Variants in CFAP92 observed in about 807,000 individuals in gnomAD.
The protein encoded by CFAP92 is cilia and flagella associated protein 92 (putative).
In CFAP92, 86 loss-of-function variants were observed where a neutral mutation model predicts 106.3. The observed-to-expected ratio is 0.81, with a 90% CI of 0.68 to 0.97. The LOEUF is 0.97. CFAP92 is among the 50% of genes least tolerant of loss of function. The probability of loss-of-function intolerance (pLI) is 0.00; values close to 1 mark genes in which losing one functional copy is unlikely to be tolerated. For synonymous variants in CFAP92, 477 were observed against 506.4 expected (o/e 0.94, Z 0.78); for missense variants, 1,204 against 1,283.8 (o/e 0.94, Z 0.95).
In CFAP92 at chr3:128,952,605, C is replaced by T. The variant is rs1940921292; in HGVS notation, c.1354-6630G>A. Among the ~76,000 whole-genome samples, 9 of 152,212 alleles carry T rather than the reference C, an allele frequency of 5.9e-5. No individual in the cohort carries two copies. The South Asian group carries it at 1.9e-3, about 32-fold the overall frequency. On this transcript the variant is annotated intron_variant, in intron 9 of 15. Coordinates refer to ENST00000645291, the MANE Select transcript of CFAP92 (RefSeq NM_001394090.1). ...GAAACAAATGAAAAAATTAGTTGCT[C>T]AGCAAAGAAACAGGAGATATAAAGA...
At chr3:128,933,933 C>CTAG (rs76286277) in intron 11 of CFAP92, among the ~76,000 whole-genome samples, 4,363 of 152,278 alleles carry the variant, frequency 0.029, 109 homozygotes, top group South Asian at 0.11. Context: ...CCAGCAAGCA[C>CTAG]TAGCTAGGGC....
chr3:128,972,252 T>C (rs1576583344), intron 7 of CFAP92, among the ~76,000 whole-genome samples: 1 of 152,084 alleles, frequency 6.6e-6, no homozygotes, highest in African/African-American at 2.4e-5. Context: ...TCTTTCTTTT[T>C]TTTTTTTGAG....
At chr3:128,979,724 A>C (rs1943393693) in intron 4 of CFAP92, among the ~76,000 whole-genome samples, 1 of 149,136 alleles carries the variant, frequency 6.7e-6, no homozygotes, top group African/African-American at 2.5e-5. Flanking sequence ...GCATGTTCTC[A>C]CTCATAGGTG....
intron 15 of CFAP92, among the ~76,000 whole-genome samples, chr3:128,914,214 A>G (rs1936626317): frequency 6.6e-6 from 1 of 152,192 alleles, no homozygotes; most frequent in Non-Finnish European, 1.5e-5. Flanking sequence ...CTTACCAAGG[A>G]AAAGCCTTGT....
intron 10 of CFAP92, among the ~76,000 whole-genome samples, chr3:128,941,433 A>G (rs1442007948): frequency 6.6e-6 from 1 of 152,164 alleles, no homozygotes; most frequent in Admixed American, 6.6e-5. Flanking sequence ...TTAAGGTTAT[A>G]CATTTTCTTC....
upstream of CFAP92, among the ~76,000 whole-genome samples, chr3:129,006,866 C>T (rs1945096823): frequency 6.6e-6 from 1 of 152,158 alleles, no homozygotes; most frequent in Admixed American, 6.5e-5. Context: ...GGTTTGTGGA[C>T]TGACCTGCCC....
At chr3:128,986,647 T>C (rs1308293971) in intron 4 of CFAP92, among the ~76,000 whole-genome samples, 1 of 152,348 alleles carries the variant, frequency 6.6e-6, no homozygotes, top group Non-Finnish European at 1.5e-5. Flanking sequence ...CCTCATTGCT[T>C]GCACCCAGGT....
At chr3:129,007,770 ACT>A in the CFAP92 span, among the ~76,000 whole-genome samples, 12 of 151,902 alleles carry the variant, frequency 7.9e-5, no homozygotes, top group East Asian at 9.6e-4. Context: ...GATCTTGATG[ACT>A]CTATTGTTCA....
intron 7 of CFAP92, among the ~76,000 whole-genome samples, chr3:128,975,018 G>A (rs1328132010): frequency 6.6e-6 from 1 of 151,984 alleles, no homozygotes; most frequent in Non-Finnish European, 1.5e-5. Context: ...TATTCGGGAG[G>A]CTGAGGCAGA....
the CFAP92 span, among the ~76,000 whole-genome samples, chr3:129,019,103 T>C: frequency 6.6e-6 from 1 of 152,226 alleles, no homozygotes; most frequent in Non-Finnish European, 1.5e-5. Context: ...ATAAATGATT[T>C]GACCAAGTGA....
At chr3:129,005,480 C>T (rs906357314), upstream of CFAP92, among the ~76,000 whole-genome samples, 1 of 152,172 alleles carries the variant, frequency 6.6e-6, no homozygotes, top group African/African-American at 2.4e-5. Context: ...CAGTTTTTCC[C>T]TTAAGAGAAA....
the CFAP92 span, among the ~76,000 whole-genome samples, chr3:129,026,480 CAAG>C: frequency 6.6e-6 from 1 of 152,212 alleles, no homozygotes; most frequent in African/African-American, 2.4e-5. Flanking sequence ...CCTCCTCTGC[CAAG>C]AAGCTCACTG....
At chr3:128,911,454 G>A (rs750774180) in intron 15 of CFAP92, among the ~76,000 whole-genome samples, 1 of 151,846 alleles carries the variant, frequency 6.6e-6, no homozygotes, top group African/African-American at 2.4e-5. Flanking sequence ...TTTTTTTGGA[G>A]ACATAGTCTC....
At chr3:128,935,390 G>C (rs1938888239) in intron 10 of CFAP92, 71 bp from the exon 11 acceptor site, 1 of 1,043,802 alleles carries the variant, frequency 9.6e-7, no homozygotes, top group Admixed American at 2.7e-5. Flanking sequence ...AGGGTGCGCT[G>C]TCAGGTACAG....
chr3:129,020,150 G>A, the CFAP92 span, among the ~76,000 whole-genome samples: 2 of 152,152 alleles, frequency 1.3e-5, no homozygotes, highest in Non-Finnish European at 2.9e-5. Context: ...GGACAGCACT[G>A]CAGAAATTTA....
intron 4 of CFAP92, among the ~76,000 whole-genome samples, chr3:128,984,076 G>A (rs533456634): frequency 6.6e-6 from 1 of 152,186 alleles, no homozygotes; most frequent in African/African-American, 2.4e-5. Context: ...GGCACCAGGT[G>A]GGGGTGCCCA....
At chr3:128,968,627 C>G (rs181877401) in intron 8 of CFAP92, 1 of 152,326 alleles carries the variant, frequency 6.6e-6, no homozygotes, top group African/African-American at 2.4e-5. Context: ...CTCCTGTGAT[C>G]CTTAAAACAA....
chr3:128,935,403 T>C (rs1285550087), intron 10 of CFAP92, 84 bp from the exon 11 acceptor site: 2 of 917,948 alleles, frequency 2.2e-6, no homozygotes, highest in Non-Finnish European at 1.6e-6. Context: ...AGGTACAGCT[T>C]TTATGTTATT....
intron 12 of CFAP92, among the ~76,000 whole-genome samples, chr3:128,922,391 T>G (rs1191756545): frequency 6.6e-6 from 1 of 152,130 alleles, no homozygotes; most frequent in Non-Finnish European, 1.5e-5. Context: ...CTCAGTGGTC[T>G]TCTTCCCCAG....
Sources: gnomAD v4.1 joint callset for allele counts (sites outside exome capture counted in the v4.1 genomes callset) on GRCh38, gnomAD v4.1.1 for gene constraint, MANE v1.5 for transcripts, NCBI Gene and HGNC (gene_info 2026-07-23, HGNC 2026-07-21) for gene names.